Variants in SNX24 observed in about 807,000 individuals in gnomAD.
The protein encoded by SNX24 is sorting nexin-24.
In SNX24, 22 loss-of-function variants were observed where a neutral mutation model predicts 28.7. The ratio of observed to expected loss-of-function variants is 0.77; its 90% CI spans 0.55 to 1.10. SNX24 has a LOEUF of 1.10. Ranked by LOEUF, SNX24 falls within the 50% of genes least tolerant of loss-of-function variation. The pLI is 0.00. For synonymous variants in SNX24, 69 were observed against 71.5 expected, an observed-to-expected ratio of 0.96 and a Z score of 0.18; for missense variants, 221 against 201.1, an observed-to-expected ratio of 1.10 and a Z score of -0.60.
intron 5 of SNX24, among the ~76,000 whole-genome samples, chr5:123,017,146 G>A (rs1019532247): frequency 6.6e-6 from 1 of 151,940 alleles, no homozygotes; most frequent in Admixed American, 6.6e-5. Context: ...AGTGGTGAAC[G>A]GTATGATTGT....
chr5:123,011,630 G>A (rs55770715), downstream of SNX24, among the ~76,000 whole-genome samples: 20,711 of 152,166 alleles, frequency 0.14, 3,266 homozygotes, highest in African/African-American at 0.38. Context: ...GAAGAATTCT[G>A]GCACACCTGT....
At chr5:122,877,295 T>G (rs1229327276) in intron 1 of SNX24, among the ~76,000 whole-genome samples, 1 of 152,040 alleles carries the variant, frequency 6.6e-6, no homozygotes, top group Non-Finnish European at 1.5e-5. Flanking sequence ...AATAACTGTG[T>G]GAAGAAAACA....
At chr5:122,998,794 A>T (rs754998516) in intron 3 of SNX24, among the ~76,000 whole-genome samples, 1 of 152,204 alleles carries the variant, frequency 6.6e-6, no homozygotes, top group African/African-American at 2.4e-5. Context: ...ATATAGAACT[A>T]TGTATCTACA....
chr5:122,947,924 G>A (rs1262392724), intron 3 of SNX24, among the ~76,000 whole-genome samples: 1 of 152,028 alleles, frequency 6.6e-6, no homozygotes, highest in Non-Finnish European at 1.5e-5. Flanking sequence ...TTTGTACTTC[G>A]GATATAAATA....
At chr5:122,854,808 A>G (rs1374372675) in intron 1 of SNX24, among the ~76,000 whole-genome samples, 1 of 152,226 alleles carries the variant, frequency 6.6e-6, no homozygotes, top group East Asian at 1.9e-4. Context: ...TAAAGTGATT[A>G]TCTTAATAAA....
chr5:122,923,541 G>A (rs187803794), intron 1 of SNX24, among the ~76,000 whole-genome samples: 1 of 152,086 alleles, frequency 6.6e-6, no homozygotes, highest in Non-Finnish European at 1.5e-5. Flanking sequence ...TGTCTATGAG[G>A]AGGGTCTTTA....
At chr5:122,871,494 G>A (rs557081404) in intron 1 of SNX24, among the ~76,000 whole-genome samples, 2 of 152,302 alleles carry the variant, frequency 1.3e-5, no homozygotes, top group South Asian at 2.1e-4. Flanking sequence ...CTGGCTGGGC[G>A]CGGTGGCTCA....
intron 1 of SNX24, among the ~76,000 whole-genome samples, chr5:122,910,796 A>T (rs576202560): frequency 9.2e-5 from 14 of 151,606 alleles, no homozygotes; most frequent in Admixed American, 7.9e-4. Context: ...AAGGACATGA[A>T]CTCATCATTT....
intron 1 of SNX24, among the ~76,000 whole-genome samples, chr5:122,848,517 A>G (rs904949629): frequency 2.0e-5 from 3 of 150,652 alleles, no homozygotes; most frequent in African/African-American, 7.3e-5. Flanking sequence ...AGCCTGGCCA[A>G]CATGGTGAAA....
intron 3 of SNX24, chr5:122,982,901 T>G (rs1374609517): frequency 6.6e-6 from 1 of 152,180 alleles, no homozygotes. Flanking sequence ...GCATTGGATA[T>G]TTTATTTGAA....
At chr5:122,932,089 C>G (rs895674087) in intron 1 of SNX24, among the ~76,000 whole-genome samples, 2 of 152,170 alleles carry the variant, frequency 1.3e-5, no homozygotes, top group Non-Finnish European at 2.9e-5. Context: ...AAAAACCACA[C>G]TTGGGGATCA....
At chr5:122,875,242 A>G (rs1456609715) in intron 1 of SNX24, among the ~76,000 whole-genome samples, 1 of 152,256 alleles carries the variant, frequency 6.6e-6, no homozygotes, top group Non-Finnish European at 1.5e-5. Flanking sequence ...TGTGCCCAGT[A>G]GAGACACTGT....
chr5:122,922,457 T>G (rs1758475147), intron 1 of SNX24, among the ~76,000 whole-genome samples: 1 of 152,136 alleles, frequency 6.6e-6, no homozygotes, highest in Non-Finnish European at 1.5e-5. Flanking sequence ...TTCACCATGT[T>G]GGCCACGCTG....
downstream of SNX24, chr5:123,009,264 T>TACAC: frequency 1.1e-6 from 1 of 944,772 alleles, no homozygotes; most frequent in Non-Finnish European, 1.3e-6. Flanking sequence ...TCTGTCTGTT[T>TACAC]ACACACACAC....
intron 1 of SNX24, among the ~76,000 whole-genome samples, chr5:122,847,645 C>T (rs541900918): frequency 6.6e-6 from 1 of 152,122 alleles, no homozygotes; most frequent in Non-Finnish European, 1.5e-5. Flanking sequence ...AGGCACATGG[C>T]ACCACTCCTG....
chr5:122,894,820 GCA>G (rs1210565637), intron 1 of SNX24, among the ~76,000 whole-genome samples: 1 of 152,154 alleles, frequency 6.6e-6, no homozygotes, highest in East Asian at 1.9e-4. Context: ...AGTGTTGACT[GCA>G]CATTCTCATA....
chr5:122,870,855 A>G (rs191319360), intron 1 of SNX24, among the ~76,000 whole-genome samples: 2 of 152,264 alleles, frequency 1.3e-5, no homozygotes, highest in African/African-American at 4.8e-5. Flanking sequence ...CTGCTGGTGG[A>G]TGGCACATTG....
intron 1 of SNX24, among the ~76,000 whole-genome samples, chr5:122,851,800 C>T (rs1342467364): frequency 6.6e-6 from 1 of 151,982 alleles, no homozygotes; most frequent in Non-Finnish European, 1.5e-5. Flanking sequence ...ATTCACTACA[C>T]CTCAGTCCCT....
At chr5:123,021,996 A>C in intron 5 of SNX24, among the ~76,000 whole-genome samples, 1 of 151,252 alleles carries the variant, frequency 6.6e-6, no homozygotes, top group Non-Finnish European at 1.5e-5. Flanking sequence ...GAGGCCTTCC[A>C]CTCCGACGAT....
Sources: allele counts gnomAD v4.1 joint callset (sites outside exome capture counted in the v4.1 genomes callset), GRCh38; gene constraint gnomAD v4.1.1; transcripts MANE v1.5; gene names NCBI Gene and HGNC (gene_info 2026-07-23, HGNC 2026-07-21).